The following LHFPL3 variants were observed in gnomAD, a reference collection of about 807,000 sequenced individuals.
LHFPL3 encodes LHFPL tetraspan subfamily member 3 protein.
In LHFPL3, 5 loss-of-function variants were observed where a neutral mutation model predicts 19.3. That is an observed-to-expected ratio of 0.26 (90% CI 0.14 to 0.54). The LOEUF is 0.54. LHFPL3 is among the 20% of genes least tolerant of loss of function. The pLI is 0.94. For missense variants in LHFPL3, 249 were observed against 307.4 expected, an observed-to-expected ratio of 0.81 and a Z score of 1.42; for synonymous variants, 133 against 126.2, an observed-to-expected ratio of 1.05 and a Z score of -0.36.
chr7:104,375,519 C>T (rs190928564), intron 1 of LHFPL3, among the ~76,000 whole-genome samples: 29 of 151,956 alleles, frequency 1.9e-4, no homozygotes, highest in Admixed American at 5.9e-4. Context: ...TTGGACTTGA[C>T]GGGAAAAATT....
intron 2 of LHFPL3, among the ~76,000 whole-genome samples, chr7:104,878,487 C>T (rs1175034209): frequency 6.6e-6 from 1 of 152,148 alleles, no homozygotes; most frequent in Non-Finnish European, 1.5e-5. Flanking sequence ...CTACAAACCG[C>T]ACCCATATAA....
At chr7:104,337,664 T>C (rs1789855280) in intron 1 of LHFPL3, among the ~76,000 whole-genome samples, 1 of 152,354 alleles carries the variant, frequency 6.6e-6, no homozygotes, top group South Asian at 2.1e-4. Context: ...TGAGTTTAAA[T>C]TGATTTCTGT....
intron 1 of LHFPL3, among the ~76,000 whole-genome samples, chr7:104,467,064 T>C (rs1250874947): frequency 6.6e-6 from 1 of 150,466 alleles, no homozygotes; most frequent in Non-Finnish European, 1.5e-5. Flanking sequence ...CTTAACATTT[T>C]ATCTAAAACA....
intron 2 of LHFPL3, chr7:104,796,754 G>T (rs2116462023): frequency 6.5e-6 from 1 of 152,782 alleles, no homozygotes; most frequent in Non-Finnish European, 1.5e-5. Flanking sequence ...AAGTCCAAAG[G>T]TAGGCAGTCT....
chr7:104,701,166 G>T (rs1338591485), intron 1 of LHFPL3, among the ~76,000 whole-genome samples: 1 of 152,060 alleles, frequency 6.6e-6, no homozygotes, highest in African/African-American at 2.4e-5. Context: ...AATTTTTAAG[G>T]AATTGCTGTA....
chr7:104,537,793 G>A (rs1004697447), intron 1 of LHFPL3, among the ~76,000 whole-genome samples: 1 of 152,188 alleles, frequency 6.6e-6, no homozygotes, highest in Non-Finnish European at 1.5e-5. Flanking sequence ...CACTCTTTCT[G>A]TTGTGGTCTC....
chr7:104,539,473 C>T (rs1456584974), intron 1 of LHFPL3, among the ~76,000 whole-genome samples: 1 of 152,106 alleles, frequency 6.6e-6, no homozygotes, highest in Non-Finnish European at 1.5e-5. Flanking sequence ...TACTTAATGG[C>T]TTTTTTCTAC....
intron 1 of LHFPL3, among the ~76,000 whole-genome samples, chr7:104,672,236 G>A (rs902995794): frequency 5.3e-5 from 8 of 152,034 alleles, no homozygotes; most frequent in Non-Finnish European, 7.4e-5. Flanking sequence ...CATCAGTACC[G>A]TGCTTACTGA....
chr7:104,392,385 T>G (rs1285256891), intron 1 of LHFPL3, among the ~76,000 whole-genome samples: 1 of 152,100 alleles, frequency 6.6e-6, no homozygotes, highest in Non-Finnish European at 1.5e-5. Flanking sequence ...ATTGAGAGTT[T>G]TTAGCATGAA....
rs142085979 is a variant in LHFPL3 at position 104,354,979 on chromosome 7, A to G, written c.445+25755A>G. ...CTGTGTATATTTAACAATGAAAGCA[A>G]ATCTCAATTTGGATGCTAAATTTTC... On this transcript the variant is annotated intron_variant, in intron 1 of 2. Coordinates refer to ENST00000424859, the MANE Select transcript of LHFPL3 (RefSeq NM_199000.3). Among the ~76,000 whole-genome samples, 626 of 152,310 alleles carry G rather than the reference A, an allele frequency of 4.1e-3. 7 individuals carry two copies. Among genetic ancestry groups the G allele is most frequent in the African/African-American group, 0.015 (608 of 41,576 alleles).
intron 2 of LHFPL3, among the ~76,000 whole-genome samples, chr7:104,813,714 AC>A (rs1373496859): frequency 6.6e-6 from 1 of 152,358 alleles, no homozygotes; most frequent in East Asian, 1.9e-4. Context: ...CTGTGGCCAG[AC>A]CAGCAGATGT....
chr7:104,906,741 G>A lies in LHFPL3; in HGVS notation c.*526G>A, dbSNP rs777696929. 8.4e-4 allele frequency: 128 copies of A among 153,134 alleles called. 1 individual carries two copies. Among genetic ancestry groups the A allele is most frequent in the Non-Finnish European group, 1.0e-3 (68 of 68,332 alleles). 9.5% of individuals were successfully genotyped at this position (153,134 alleles called of 1,614,324 possible). A position where few individuals can be genotyped will look rare whatever the true frequency, so the allele number is the denominator to read the frequency against. On this transcript the variant is annotated 3_prime_UTR_variant, in exon 3 of 3. Transcript: ENST00000424859. ...GCCTCTGAATGTTTTCATAGGAGCCGTGACCTTTGGTTCTTCATCTCTACC... is the reference window on the plus strand; with the variant it reads ...GCCTCTGAATGTTTTCATAGGAGCCATGACCTTTGGTTCTTCATCTCTACC...
chr7:104,672,996 GC>G (rs1343082484), intron 1 of LHFPL3, among the ~76,000 whole-genome samples: 1 of 151,618 alleles, frequency 6.6e-6, no homozygotes, highest in Non-Finnish European at 1.5e-5. Flanking sequence ...ATGAAATAAT[GC>G]CCCCCCTTTT....
chr7:104,369,110 T>A (rs1562876944), intron 1 of LHFPL3, among the ~76,000 whole-genome samples: 3 of 152,188 alleles, frequency 2.0e-5, no homozygotes. Flanking sequence ...TACAATTCAA[T>A]GAGTTTTAGT....
At chr7:104,883,858 C>T (rs1044156460) in intron 2 of LHFPL3, among the ~76,000 whole-genome samples, 4 of 152,114 alleles carry the variant, frequency 2.6e-5, no homozygotes, top group Non-Finnish European at 4.4e-5. Context: ...CAGGGGGCAC[C>T]AAAGCAGCCC....
At chr7:104,773,924 T>A (rs1027655523) in intron 2 of LHFPL3, among the ~76,000 whole-genome samples, 3 of 152,234 alleles carry the variant, frequency 2.0e-5, no homozygotes, top group African/African-American at 7.2e-5. Context: ...ACATGCCTAT[T>A]GTTTAAGCCA....
chr7:104,765,477 C>T (rs1303128673), intron 2 of LHFPL3, among the ~76,000 whole-genome samples: 1 of 152,186 alleles, frequency 6.6e-6, no homozygotes, highest in Non-Finnish European at 1.5e-5. Context: ...TGGGGAGGGA[C>T]AGTATTAGCA....
rs199749532 is a variant in LHFPL3 at position 104,745,128 on chromosome 7, AC to A, written c.682+8220del. 7.2e-3 allele frequency among the ~76,000 whole-genome samples: 1,097 copies of A among 152,280 alleles called. 14 individuals carry two copies. Among genetic ancestry groups the A allele is most frequent in the African/African-American group, 0.024 (991 of 41,540 alleles). The stretch of plus-strand genomic sequence containing the variant: ...CCACAAAATATCCAAGCCAAAGCAG[AC>A]CCTGGTGGTTGGCTGACACTTCCCA... On this transcript the variant is annotated intron_variant, in intron 2 of 2. Coordinates refer to ENST00000424859, the MANE Select transcript of LHFPL3 (RefSeq NM_199000.3).
chr7:104,397,546 A>G (rs946069740), intron 1 of LHFPL3, among the ~76,000 whole-genome samples: 2 of 152,074 alleles, frequency 1.3e-5, no homozygotes, highest in African/African-American at 4.8e-5. Flanking sequence ...CACTTCATAT[A>G]CTTTACCCCT....
Sources: gnomAD v4.1 joint callset for allele counts (sites outside exome capture counted in the v4.1 genomes callset) on GRCh38, gnomAD v4.1.1 for gene constraint, MANE v1.5 for transcripts, NCBI Gene and HGNC (gene_info 2026-07-23, HGNC 2026-07-21) for gene names.